Variants in EPHA10 observed in about 807,000 individuals in gnomAD.
EPHA10 encodes EPH receptor A10.
EPHA10 carries 120 observed loss-of-function variants against 109.7 expected under a neutral mutation model. The observed-to-expected ratio is 1.09, with a 90% confidence interval of 0.94 to 1.27. The LOEUF (loss-of-function observed/expected upper bound fraction) is 1.27. EPHA10 is among the 50% of genes most tolerant of loss of function. The pLI is 0.00. For synonymous variants in EPHA10, 640 were observed against 618.9 expected (o/e 1.03, Z -0.51); for missense variants, 1,396 against 1,411.1 (o/e 0.99, Z 0.17).
At chr1:37,755,490 C>T (rs566670844) in intron 3 of EPHA10, among the ~76,000 whole-genome samples, 5 of 152,274 alleles carry the variant, frequency 3.3e-5, no homozygotes, top group African/African-American at 1.2e-4. Context: ...CCAGTCTTGA[C>T]ACCTACTCAG....
At chr1:37,747,491 CA>C (rs1293183353) in intron 5 of EPHA10, among the ~76,000 whole-genome samples, 1 of 144,720 alleles carries the variant, frequency 6.9e-6, no homozygotes, top group Non-Finnish European at 1.5e-5. Context: ...GCAGAGGTTG[CA>C]GTGAGCCAAG....
intron 5 of EPHA10, among the ~76,000 whole-genome samples, chr1:37,744,854 T>C (rs1646207256): frequency 6.6e-6 from 1 of 152,202 alleles, no homozygotes; most frequent in Non-Finnish European, 1.5e-5. Context: ...TGTGATCTTA[T>C]TTTTACAGAG....
chr1:37,762,996 TC>T, intron 1 of EPHA10, 147 bp from the exon 2 acceptor site: 1 of 696,566 alleles, frequency 1.4e-6, no homozygotes, highest in Non-Finnish European at 2.4e-6. Context: ...ACTCCATACA[TC>T]CCCAGGAGGG....
Position 37,753,131 on chromosome 1 carries a change from G to T in EPHA10, c.1102C>A (p.Arg368Ser), listed in dbSNP as rs1188137218. The change falls in exon 5 of 17, where the codon CGC becomes AGC. Residue 368 changes from arginine (R) to serine (S), a missense_variant. Coordinates refer to ENST00000373048, the MANE Select transcript of EPHA10 (RefSeq NM_001099439.2). ...RWLPPADSGG[R>S]SDVTYSLLCL... is the part of the protein sequence containing the mutation. ...AGCAGCGAGTAGGTGACGTCCGAGC[G>T]GCCTCCCGAGTCGGCCGGCGGCAGC... 10 of 1,405,366 alleles carry T rather than the reference G, an allele frequency of 7.1e-6. No homozygotes were observed. The highest frequency in any genetic ancestry group is 3.0e-5 in the African/African-American group (2 of 66,742). 87.1% of individuals were successfully genotyped at this position (1,405,366 alleles called of 1,614,324 possible).
intron 5 of EPHA10, among the ~76,000 whole-genome samples, chr1:37,748,002 C>T (rs1437939617): frequency 6.6e-6 from 1 of 152,028 alleles, no homozygotes; most frequent in Non-Finnish European, 1.5e-5. Context: ...AAAAAGAACA[C>T]CAAAATATTT....
chr1:37,744,627 G>T (rs569381), intron 5 of EPHA10, among the ~76,000 whole-genome samples: 51,568 of 151,484 alleles, frequency 0.34, 8,836 homozygotes, highest in East Asian at 0.48. Context: ...ACCACTGTAC[G>T]CCACCCTGGG....
At chr1:37,734,407 G>C (rs1406999758) in intron 6 of EPHA10, among the ~76,000 whole-genome samples, 1 of 152,060 alleles carries the variant, frequency 6.6e-6, no homozygotes, top group Non-Finnish European at 1.5e-5. Context: ...AGTTGTGCAT[G>C]CCTGTAATCC....
chr1:37,754,577 T>C lies in EPHA10; in HGVS notation c.851-207A>G, dbSNP rs1411882797. ...GAAAACGCTGTGTGTTCGGAAAACT[T>C]TGAAACATTTTACTTTCAGCCGGGC... On this transcript the variant is annotated intron_variant, in intron 3 of 16. Transcript: ENST00000373048. This position sits in a 1 kb window ranked among gnomAD's most constrained non-coding sequence, Gnocchi z 4.5. Among the ~76,000 whole-genome samples the C allele has an allele frequency of 6.6e-6, 1 of 152,138 alleles. No homozygotes were observed. Among genetic ancestry groups the C allele is most frequent in the African/African-American group, 2.4e-5 (1 of 41,434 alleles).
At chr1:37,715,115 C>A, downstream of EPHA10, 1 of 152,354 alleles carries the variant, frequency 6.6e-6, no homozygotes. Flanking sequence ...CTGCAACCTC[C>A]ATCTCCTGGG....
chr1:37,750,943 C>T (rs955219674), intron 5 of EPHA10, among the ~76,000 whole-genome samples: 4 of 152,042 alleles, frequency 2.6e-5, no homozygotes, highest in Admixed American at 6.6e-5. Flanking sequence ...CAGTGGCTCA[C>T]GCCTGTAATC....
chr1:37,747,716 T>A (rs1393378504), intron 5 of EPHA10, among the ~76,000 whole-genome samples: 1 of 151,866 alleles, frequency 6.6e-6, no homozygotes, highest in African/African-American at 2.4e-5. Context: ...TGCAATGAGC[T>A]GAGATGGTGC....
intron 5 of EPHA10, among the ~76,000 whole-genome samples, chr1:37,750,028 G>C (rs761729723): frequency 1.8e-4 from 27 of 152,142 alleles, no homozygotes; most frequent in Non-Finnish European, 3.5e-4. Context: ...GTGCATGACT[G>C]TATTAAAACA....
chr1:37,742,442 GAA>G (rs955715581), intron 5 of EPHA10, among the ~76,000 whole-genome samples: 1 of 152,212 alleles, frequency 6.6e-6, no homozygotes, highest in African/African-American at 2.4e-5. Flanking sequence ...GGGATTCAGA[GAA>G]AAGTTTCTTG....
chr1:37,727,044 T>C (rs372956301), intron 8 of EPHA10, 58 bp downstream of exon 8: 2 of 1,374,464 alleles, frequency 1.5e-6, no homozygotes. Context: ...TGAGCACACA[T>C]TAATGTGCAC....
chr1:37,762,596 T>TTG (rs1210282949), intron 2 of EPHA10, among the ~76,000 whole-genome samples, 189 bp downstream of exon 2: 1 of 151,900 alleles, frequency 6.6e-6, no homozygotes, highest in African/African-American at 2.4e-5. Flanking sequence ...TTTTTTTTTT[T>TTG]TTTTTGACTG....
In EPHA10 at chr1:37,753,147, C is replaced by G; in HGVS notation, c.1086G>C (p.Pro362=). The G allele has an allele frequency of 2.1e-6, 3 of 1,408,044 alleles. No individual in the cohort carries two copies. Among genetic ancestry groups the G allele is most frequent in the Non-Finnish European group, 2.8e-6 (3 of 1,081,030 alleles). 87.2% of individuals were successfully genotyped at this position (1,408,044 alleles called of 1,614,324 possible). ...PLVLRLRWLP[P]ADSGGRSDVT... is the part of the protein sequence containing the mutation. The stretch of plus-strand genomic sequence containing the variant: ...CGTCCGAGCGGCCTCCCGAGTCGGC[C>G]GGCGGCAGCCAGCGCAGTCGCAGCA... Residue 362 remains proline (P), a synonymous_variant, in exon 5 of 17, where the codon CCG becomes CCC. Coordinates refer to ENST00000373048, the MANE Select transcript of EPHA10 (RefSeq NM_001099439.2).
chr1:37,719,008 A>T, intron 15 of EPHA10, 192 bp from the exon 16 acceptor site: 1 of 714,186 alleles, frequency 1.4e-6, no homozygotes, highest in Non-Finnish European at 2.3e-6. Context: ...AGGCAGGTGG[A>T]GGCAGAGCCA....
rs756919028 is a variant in EPHA10 at position 37,718,672 on chromosome 1, C to G, written c.2901G>C (p.Glu967Asp). 18 of 1,613,212 alleles carry G rather than the reference C, an allele frequency of 1.1e-5. No homozygotes were observed. The highest frequency in any genetic ancestry group is 1.4e-5 in the Non-Finnish European group (17 of 1,180,038). Residue 967 changes from glutamate to aspartate, a missense_variant, in exon 16 of 17, where the codon GAG becomes GAC. By Grantham distance (45) the Glu-to-Asp change is conservative (BLOSUM62 2). Coordinates refer to ENST00000373048, the MANE Select transcript of EPHA10 (RefSeq NM_001099439.2). ...TGCCTTGGACTCACTGGGCAGTCATCTCGGCCACGGCCTCCAGGCTCCCAT... is the reference window on the plus strand; with the variant it reads ...TGCCTTGGACTCACTGGGCAGTCATGTCGGCCACGGCCTCCAGGCTCCCAT... The part of the protein sequence containing the change: ...AGYGSLEAVA[E>D]MTAQDLVSLG...
At chr1:37,740,247 A>G (rs1646132931) in intron 5 of EPHA10, among the ~76,000 whole-genome samples, 1 of 152,070 alleles carries the variant, frequency 6.6e-6, no homozygotes, top group Non-Finnish European at 1.5e-5. Flanking sequence ...ACAAATCATC[A>G]TCTCTGTAGG....
Sources: gnomAD v4.1 joint callset for allele counts (sites outside exome capture counted in the v4.1 genomes callset) on GRCh38, gnomAD v4.1.1 for gene constraint, Gnocchi (gnomAD v3.1) non-coding constraint, MANE v1.5 for transcripts, NCBI Gene and HGNC (gene_info 2026-07-23, HGNC 2026-07-21) for gene names.